ZDHHC20: variants seen among roughly 807,000 people sequenced by gnomAD.
The protein encoded by ZDHHC20 is palmitoyltransferase ZDHHC20.
A neutral mutation model predicts 57.8 loss-of-function variants in ZDHHC20; 43 were observed. The observed-to-expected ratio is 0.74, with a 90% CI of 0.58 to 0.96. The LOEUF is 0.96. Ranked by LOEUF, ZDHHC20 falls within the 40% of genes least tolerant of loss-of-function variation. The probability of loss-of-function intolerance (pLI) is 0.00; values close to 1 mark genes in which losing one functional copy is unlikely to be tolerated. For missense variants in ZDHHC20, 391 were observed against 441.1 expected, an observed-to-expected ratio of 0.89 and a Z score of 1.02; for synonymous variants, 157 against 153.0, an observed-to-expected ratio of 1.03 and a Z score of -0.19.
chr13:21,402,342 T>C (rs1015552550), intron 5 of ZDHHC20, among the ~76,000 whole-genome samples: 1 of 152,250 alleles, frequency 6.6e-6, no homozygotes, highest in South Asian at 2.1e-4. Context: ...AACTCCAAAT[T>C]TGCCTCCCTA....
In ZDHHC20 at chr13:21,423,690, G is replaced by T. The variant is rs1481592111; in HGVS notation, c.145+1962C>A. 4.7e-5 allele frequency among the ~76,000 whole-genome samples: 7 copies of T among 150,138 alleles called. No homozygotes were observed. In the East Asian group the frequency reaches 1.2e-3, roughly 25 times the overall value. On this transcript the variant is annotated intron_variant, in intron 2 of 12. Coordinates refer to ENST00000400590, the MANE Select transcript of ZDHHC20 (RefSeq NM_001330059.2). ...CTCCATCTCAAAAAAAAAAGAAAAAGAAAAAATATATATATTATATGTATA... is the reference window on the plus strand; with the variant it reads ...CTCCATCTCAAAAAAAAAAGAAAAATAAAAAATATATATATTATATGTATA...
At chr13:21,383,608 G>A (rs1163127368) in intron 9 of ZDHHC20, among the ~76,000 whole-genome samples, 1 of 152,118 alleles carries the variant, frequency 6.6e-6, no homozygotes, top group South Asian at 2.1e-4. Flanking sequence ...ATGATGCCTA[G>A]TATAGCACCC....
chr13:21,419,323 A>G (rs1395213689), intron 3 of ZDHHC20, among the ~76,000 whole-genome samples: 3 of 152,234 alleles, frequency 2.0e-5, no homozygotes, highest in Non-Finnish European at 4.4e-5. Context: ...ATTACTTGCT[A>G]ATGTTAAATG....
chr13:21,445,130 T>C (rs2138026195), intron 1 of ZDHHC20, among the ~76,000 whole-genome samples: 1 of 152,022 alleles, frequency 6.6e-6, no homozygotes, highest in South Asian at 2.1e-4. Context: ...ATGGGAGAGG[T>C]TTTGTCTTAT....
At position 21,373,382 on chromosome 13, in the gene ZDHHC20, G is replaced by GA. The variant is rs1871517752; in HGVS notation, c.*3313_*3314insT. 6.6e-6 allele frequency: 1 copy of GA among 152,106 alleles called. No homozygotes were observed. Among genetic ancestry groups the GA allele is most frequent in the Non-Finnish European group, 1.5e-5 (1 of 68,010 alleles). The allele number at this position is 152,106 out of a possible 1,614,324, so 9.4% of individuals were successfully genotyped here. ...ATCTGCTAATAGAAATACAATTCAA[G>GA]TAAACATTGCATATTTGATTTAAAC... On this transcript the variant is annotated 3_prime_UTR_variant, in exon 13 of 13. Coordinates refer to ENST00000400590, the MANE Select transcript of ZDHHC20 (RefSeq NM_001330059.2).
chr13:21,390,337 C>G (rs1875447791), intron 8 of ZDHHC20: 1 of 152,162 alleles, frequency 6.6e-6, no homozygotes, highest in African/African-American at 2.4e-5. Context: ...TCTTACATGT[C>G]AATAGCTCAG....
At chr13:21,376,729 T>G in intron 12 of ZDHHC20, 74 bp from the exon 13 acceptor site, 1 of 951,294 alleles carries the variant, frequency 1.1e-6, no homozygotes, top group Non-Finnish European at 1.5e-6. Context: ...AATGGTTCTG[T>G]GGGCTAAGGT....
At chr13:21,404,306 A>C (rs746110931) in intron 4 of ZDHHC20, 1 of 501,796 alleles carries the variant, frequency 2.0e-6, no homozygotes, top group African/African-American at 1.9e-5. Flanking sequence ...TGTCCAGCTC[A>C]TTGGAGCTCC....
At chr13:21,393,660 C>T (rs1876196449) in intron 7 of ZDHHC20, among the ~76,000 whole-genome samples, 1 of 140,786 alleles carries the variant, frequency 7.1e-6, no homozygotes, top group Admixed American at 7.9e-5. Flanking sequence ...GCCGAGATCG[C>T]ACTGCTGCAC....
intron 3 of ZDHHC20, among the ~76,000 whole-genome samples, chr13:21,418,028 T>G (rs1372248868): frequency 6.6e-6 from 1 of 152,194 alleles, no homozygotes; most frequent in Non-Finnish European, 1.5e-5. Flanking sequence ...CTCTAGAGCT[T>G]AGCTTAGCTG....
Position 21,453,980 on chromosome 13 carries a change from T to G in ZDHHC20, c.118+5074A>C, listed in dbSNP as rs144387166. On this transcript the variant is annotated intron_variant, in intron 1 of 12. Transcript: ENST00000400590. ...TCCCGTCTCAGCCTCCTGAGTAGGC[T>G]GGACTTCAGACACAAGCCACCATGC... 1.1e-4 allele frequency among the ~76,000 whole-genome samples: 17 copies of G among 152,252 alleles called. No individual in the cohort carries two copies. In the East Asian group the frequency reaches 3.3e-3, roughly 30 times the overall value.
At chr13:21,425,981 T>C (rs1881199628) in intron 1 of ZDHHC20, among the ~76,000 whole-genome samples, 1 of 152,212 alleles carries the variant, frequency 6.6e-6, no homozygotes, top group South Asian at 2.1e-4. Context: ...CTTAATGATA[T>C]CTGCAGAATG....
At chr13:21,378,169 C>G (rs528507557) in intron 12 of ZDHHC20, among the ~76,000 whole-genome samples, 1 of 152,038 alleles carries the variant, frequency 6.6e-6, no homozygotes, top group Non-Finnish European at 1.5e-5. Context: ...CAGCCTCCCA[C>G]GTAACTGGGA....
intron 12 of ZDHHC20, chr13:21,377,236 TGC>T: frequency 6.3e-6 from 1 of 159,502 alleles, no homozygotes; most frequent in Non-Finnish European, 1.3e-5. Flanking sequence ...GCGATCTGAC[TGC>T]CCGACATGAC....
intron 1 of ZDHHC20, among the ~76,000 whole-genome samples, chr13:21,458,166 A>C (rs9509738): frequency 0.13 from 19,687 of 152,166 alleles, 1,574 homozygotes; most frequent in African/African-American, 0.22. Flanking sequence ...TTTTTGATTA[A>C]TGACAACCAA....
chr13:21,387,399 C>T (rs1874738074), intron 9 of ZDHHC20, 109 bp downstream of exon 9: 1 of 853,794 alleles, frequency 1.2e-6, no homozygotes, highest in Admixed American at 4.3e-5. Flanking sequence ...TTCTCAAAGT[C>T]TGTGAGAATA....
chr13:21,410,126 T>G (rs1363229835), intron 4 of ZDHHC20, among the ~76,000 whole-genome samples: 1 of 152,232 alleles, frequency 6.6e-6, no homozygotes. Context: ...TAGTCTTCCT[T>G]CTAACAGTCA....
At chr13:21,457,446 G>A (rs1052419291) in intron 1 of ZDHHC20, among the ~76,000 whole-genome samples, 3 of 152,080 alleles carry the variant, frequency 2.0e-5, no homozygotes, top group Admixed American at 2.0e-4. Context: ...ACCACTTTCT[G>A]GAAGTAGCTC....
Position 21,387,520 on chromosome 13 carries a change from G to A in ZDHHC20, c.842C>T (p.Pro281Leu), listed in dbSNP as rs768514617. 3.9e-6 allele frequency: 6 copies of A among 1,529,932 alleles called. No homozygotes were observed. The African/African-American group carries it at 6.9e-5, about 18-fold the overall frequency. 94.8% of individuals were successfully genotyped at this position (1,529,932 alleles called of 1,614,324 possible). ...FGDEKKYWLL[P>L]IFSSLGDGCS... ...TTTTATAAATTACCTTGAAAATATTGGAAGTAGCCAATATTTCTTTTCATC... is the reference window on the plus strand; with the variant it reads ...TTTTATAAATTACCTTGAAAATATTAGAAGTAGCCAATATTTCTTTTCATC... The change falls in exon 9 of 13, where the codon CCA becomes CTA. Residue 281 changes from proline to leucine, a missense_variant. Physicochemically the swap from Pro to Leu is moderately conservative, Grantham distance 98. Coordinates refer to ENST00000400590, the MANE Select transcript of ZDHHC20 (RefSeq NM_001330059.2).
Sources: gnomAD v4.1 joint callset for allele counts (sites outside exome capture counted in the v4.1 genomes callset) on GRCh38, gnomAD v4.1.1 for gene constraint, MANE v1.5 for transcripts, NCBI Gene and HGNC (gene_info 2026-07-23, HGNC 2026-07-21) for gene names.